Variants in CDKAL1 observed in about 807,000 individuals in gnomAD.
The protein encoded by CDKAL1 is CDKAL1 threonylcarbamoyladenosine tRNA methylthiotransferase, also known as threonylcarbamoyladenosine tRNA methylthiotransferase.
CDKAL1 carries 32 observed loss-of-function variants against 68.2 expected under a neutral mutation model. That is an observed-to-expected ratio of 0.47 (90% CI 0.35 to 0.63). The LOEUF (loss-of-function observed/expected upper bound fraction) is 0.63, where lower values mean the gene tolerates loss of function less well. Among genes scored for constraint, CDKAL1 ranks in the 30% least tolerant of loss-of-function variants. CDKAL1 has a pLI of 0.00. For missense variants in CDKAL1, 606 were observed against 696.7 expected (o/e 0.87, Z 1.47); for synonymous variants, 234 against 244.3 (o/e 0.96, Z 0.39).
At chr6:20,661,258 C>G (rs1478441563) in intron 5 of CDKAL1, among the ~76,000 whole-genome samples, 1 of 152,186 alleles carries the variant, frequency 6.6e-6, no homozygotes, top group East Asian at 1.9e-4. Flanking sequence ...TTTTATTCAT[C>G]TTATGTCACA....
At chr6:20,824,118 G>T (rs1581649761) in intron 8 of CDKAL1, among the ~76,000 whole-genome samples, 1 of 152,238 alleles carries the variant, frequency 6.6e-6, no homozygotes, top group East Asian at 1.9e-4. Flanking sequence ...CAAAGGTGTT[G>T]TGTCTTGCTA....
At chr6:20,993,275 A>G (rs965432908) in intron 10 of CDKAL1, among the ~76,000 whole-genome samples, 4 of 152,204 alleles carry the variant, frequency 2.6e-5, no homozygotes, top group African/African-American at 7.2e-5. Flanking sequence ...AACTATTTTA[A>G]AAATATTTAA....
chr6:21,108,688 C>T (rs1434870625), intron 13 of CDKAL1, among the ~76,000 whole-genome samples: 1 of 152,034 alleles, frequency 6.6e-6, no homozygotes, highest in African/African-American at 2.4e-5. Context: ...CATATTGGCA[C>T]TGAAATCTCA....
In CDKAL1 at chr6:21,042,841, C is replaced by T. The variant is rs376480328; in HGVS notation, c.1056-22207C>T. The stretch of plus-strand genomic sequence containing the variant: ...CCTAACCTCCTTGTTAGCTATATTA[C>T]GATACTCCCATTCATAGGCCCTGCA... On this transcript the variant is annotated intron_variant, in intron 11 of 15. Transcript: ENST00000274695. 4.6e-5 allele frequency among the ~76,000 whole-genome samples: 7 copies of T among 152,236 alleles called. No homozygotes were observed. In the East Asian group the frequency reaches 5.8e-4, roughly 13 times the overall value.
At chr6:21,139,001 G>T (rs1439174047) in intron 13 of CDKAL1, among the ~76,000 whole-genome samples, 2 of 152,210 alleles carry the variant, frequency 1.3e-5, no homozygotes. Flanking sequence ...GAATGTGAGA[G>T]GCACGTCCAT....
At chr6:20,848,793 C>CTT (rs773701322) in intron 9 of CDKAL1, among the ~76,000 whole-genome samples, 3 of 139,300 alleles carry the variant, frequency 2.2e-5, no homozygotes, top group Admixed American at 7.2e-5. Flanking sequence ...TTCTTTCTTT[C>CTT]TTTTTTTTTT....
intron 9 of CDKAL1, among the ~76,000 whole-genome samples, chr6:20,875,168 A>G (rs1039087615): frequency 1.5e-4 from 22 of 151,556 alleles, no homozygotes; most frequent in South Asian, 6.3e-4. Context: ...GCGCGGTGGC[A>G]GGCGCCTGTA....
intron 9 of CDKAL1, among the ~76,000 whole-genome samples, chr6:20,884,342 A>C (rs553841960): frequency 6.6e-6 from 1 of 152,320 alleles, no homozygotes; most frequent in East Asian, 1.9e-4. Flanking sequence ...TATAAGTAGA[A>C]GAGAACATTC....
rs147698736 is a variant in CDKAL1 at position 20,986,536 on chromosome 6, T to C, written c.910-13691T>C. Among the ~76,000 whole-genome samples, 1,053 of 152,240 alleles carry C rather than the reference T, an allele frequency of 6.9e-3. 13 individuals carry two copies. The highest frequency in any genetic ancestry group is 0.021 in the African/African-American group (877 of 41,552). ...CACTACTTATTTTATGCGTTTTTTT[T>C]CTAAGGGAATGGGACAGGTTCAGCC... On this transcript the variant is annotated intron_variant, in intron 10 of 15. Coordinates refer to ENST00000274695, the MANE Select transcript of CDKAL1 (RefSeq NM_017774.3).
At chr6:21,129,201 C>T (rs1775165649) in intron 13 of CDKAL1, among the ~76,000 whole-genome samples, 1 of 151,776 alleles carries the variant, frequency 6.6e-6, no homozygotes, top group South Asian at 2.1e-4. Flanking sequence ...GTATTTATTA[C>T]TGTAACTAGA....
intron 9 of CDKAL1, among the ~76,000 whole-genome samples, chr6:20,893,859 A>G (rs1581780003): frequency 6.6e-6 from 1 of 152,194 alleles, no homozygotes; most frequent in East Asian, 1.9e-4. Flanking sequence ...GATGATGATG[A>G]TGATGATCAT....
intron 13 of CDKAL1, among the ~76,000 whole-genome samples, chr6:21,162,727 C>T (rs966413225): frequency 6.6e-6 from 1 of 152,102 alleles, no homozygotes; most frequent in African/African-American, 2.4e-5. Context: ...GGGTTTGAGA[C>T]CAGCCTGGGC....
At chr6:21,152,768 T>C (rs1776471508) in intron 13 of CDKAL1, among the ~76,000 whole-genome samples, 1 of 152,258 alleles carries the variant, frequency 6.6e-6, no homozygotes, top group South Asian at 2.1e-4. Context: ...GAATTACTTT[T>C]TGTCTTTTGT....
chr6:20,938,524 A>G (rs2150690728), intron 9 of CDKAL1, among the ~76,000 whole-genome samples: 1 of 152,312 alleles, frequency 6.6e-6, no homozygotes, highest in African/African-American at 2.4e-5. Flanking sequence ...GATGGTCTTC[A>G]AATGATTCTC....
intron 9 of CDKAL1, among the ~76,000 whole-genome samples, chr6:20,905,212 G>C (rs1762179176): frequency 6.6e-6 from 1 of 152,126 alleles, no homozygotes; most frequent in Non-Finnish European, 1.5e-5. Context: ...AGAAAACAAT[G>C]TATAAACAAA....
At chr6:20,942,538 T>C (rs941437579) in intron 9 of CDKAL1, among the ~76,000 whole-genome samples, 48 of 151,024 alleles carry the variant, frequency 3.2e-4, no homozygotes, top group African/African-American at 1.1e-3. Context: ...CAGCTAATTT[T>C]GTATTTTTAG....
chr6:20,878,381 T>C (rs1760641369), intron 9 of CDKAL1, among the ~76,000 whole-genome samples: 1 of 152,208 alleles, frequency 6.6e-6, no homozygotes, highest in African/African-American at 2.4e-5. Flanking sequence ...CCTGCCTTTT[T>C]TCCTACATGC....
At chr6:20,780,738 A>C (rs1343157543) in intron 7 of CDKAL1, among the ~76,000 whole-genome samples, 1 of 141,728 alleles carries the variant, frequency 7.1e-6, no homozygotes, top group Non-Finnish European at 1.5e-5. Context: ...CAGTGGTGCC[A>C]TCTGGGCTCA....
At chr6:20,781,743 T>G (rs1042749616) in intron 8 of CDKAL1, among the ~76,000 whole-genome samples, 3 of 152,234 alleles carry the variant, frequency 2.0e-5, no homozygotes, top group Admixed American at 6.5e-5. Flanking sequence ...TATTAAGTAC[T>G]CTTTTAATTT....
Sources: gnomAD v4.1 joint callset for allele counts (sites outside exome capture counted in the v4.1 genomes callset) on GRCh38, gnomAD v4.1.1 for gene constraint, MANE v1.5 for transcripts, NCBI Gene and HGNC (gene_info 2026-07-23, HGNC 2026-07-21) for gene names.